The following TMEM74 variants were observed in gnomAD, a reference collection of about 807,000 sequenced individuals.
The protein encoded by TMEM74 is transmembrane protein 74.
TMEM74 carries 13 observed loss-of-function variants against 18.1 expected under a neutral mutation model. The ratio of observed to expected loss-of-function variants is 0.72; its 90% CI spans 0.47 to 1.14. The LOEUF (loss-of-function observed/expected upper bound fraction) is 1.14, where lower values mean the gene tolerates loss of function less well. Among genes scored for constraint, TMEM74 ranks in the 50% most tolerant of loss-of-function variants. The probability of loss-of-function intolerance (pLI) is 0.00; values close to 1 mark genes in which losing one functional copy is unlikely to be tolerated. For synonymous variants in TMEM74, 159 were observed against 146.6 expected (o/e 1.08, Z -0.61); for missense variants, 372 against 375.9 (o/e 0.99, Z 0.09).
chr8:108,737,851 G>T (rs1056454182), intron 1 of TMEM74, among the ~76,000 whole-genome samples: 1 of 152,104 alleles, frequency 6.6e-6, no homozygotes, highest in African/African-American at 2.4e-5. Context: ...CCTGTAAAAT[G>T]ATTTTGGTAC....
chr8:108,627,688 C>G (rs1812508142), intron 2 of TMEM74, among the ~76,000 whole-genome samples: 1 of 151,902 alleles, frequency 6.6e-6, no homozygotes, highest in African/African-American at 2.4e-5. Flanking sequence ...GAAAAAATAT[C>G]CTAAATGAGA....
intron 2 of TMEM74, chr8:108,626,676 G>T (rs1339836279): frequency 6.6e-6 from 1 of 151,950 alleles, no homozygotes. Flanking sequence ...GTTCTTCCTG[G>T]CTCGTAAGTG....
intron 1 of TMEM74, among the ~76,000 whole-genome samples, chr8:108,667,861 A>G (rs1010414414): frequency 4.6e-5 from 7 of 152,100 alleles, no homozygotes; most frequent in African/African-American, 1.7e-4. Flanking sequence ...CCCTCTTTAA[A>G]TGAACGAAAT....
chr8:108,672,752 A>C (rs1813015873), intron 1 of TMEM74, among the ~76,000 whole-genome samples: 1 of 152,216 alleles, frequency 6.6e-6, no homozygotes, highest in East Asian at 1.9e-4. Context: ...AAGGAGATCA[A>C]CCAACAAGGG....
chr8:108,716,430 G>T (rs149497795), intron 1 of TMEM74, among the ~76,000 whole-genome samples: 1 of 151,990 alleles, frequency 6.6e-6, no homozygotes, highest in Non-Finnish European at 1.5e-5. Context: ...GGGCAAATGA[G>T]ATATTAAAGT....
chr8:108,787,289 C>T (rs1475924083), intron 1 of TMEM74, among the ~76,000 whole-genome samples, 187 bp downstream of exon 1: 6 of 152,116 alleles, frequency 3.9e-5, no homozygotes, highest in Non-Finnish European at 7.4e-5. Flanking sequence ...CAGCAGGCGC[C>T]GAGGAATCCG....
intron 1 of TMEM74, among the ~76,000 whole-genome samples, chr8:108,658,077 G>A (rs1369525006): frequency 6.6e-6 from 1 of 151,078 alleles, no homozygotes; most frequent in Non-Finnish European, 1.5e-5. Context: ...AGAACAAGCT[G>A]ACCAGCTTGT....
At chr8:108,730,448 A>G (rs944193744) in intron 1 of TMEM74, among the ~76,000 whole-genome samples, 7 of 152,170 alleles carry the variant, frequency 4.6e-5, no homozygotes, top group African/African-American at 9.7e-5. Flanking sequence ...AACTGTCTAC[A>G]CCATTGTATT....
At chr8:108,787,409 T>TA (rs1814406613) in intron 1 of TMEM74, 67 bp downstream of exon 1, 1 of 152,362 alleles carries the variant, frequency 6.6e-6, no homozygotes, top group Non-Finnish European at 1.5e-5. Flanking sequence ...GCTCCAGCTC[T>TA]GCTAGGCTCC....
chr8:108,665,783 G>A (rs912165777), intron 1 of TMEM74, among the ~76,000 whole-genome samples: 4 of 152,038 alleles, frequency 2.6e-5, no homozygotes, highest in African/African-American at 7.2e-5. Context: ...ATTTTGGAGC[G>A]TCTGACTTAA....
intron 1 of TMEM74, among the ~76,000 whole-genome samples, chr8:108,702,476 C>T (rs150942300): frequency 5.9e-5 from 9 of 151,992 alleles, no homozygotes; most frequent in African/African-American, 2.2e-4. Context: ...GAGAGCTGGC[C>T]ATCCACATGC....
At chr8:108,775,797 G>A (rs1327633120), downstream of TMEM74, among the ~76,000 whole-genome samples, 1 of 152,164 alleles carries the variant, frequency 6.6e-6, no homozygotes, top group Non-Finnish European at 1.5e-5. Context: ...CTCATCATTT[G>A]TATAAGGTGT....
intron 1 of TMEM74, among the ~76,000 whole-genome samples, chr8:108,664,795 G>A (rs1812933169): frequency 6.6e-6 from 1 of 152,066 alleles, no homozygotes; most frequent in South Asian, 2.1e-4. Flanking sequence ...CCTGCTCAAT[G>A]TGAGGGTAAT....
chr8:108,616,168 T>C lies in TMEM74; in HGVS notation n.265-7342A>G, dbSNP rs941561667. Among the ~76,000 whole-genome samples the C allele has an allele frequency of 5.3e-5, 8 of 152,178 alleles. No individual in the cohort carries two copies. The South Asian group carries it at 1.2e-3, about 24-fold the overall frequency. On this transcript the variant is annotated intron_variant and non_coding_transcript_variant, in intron 2 of 3. Coordinates refer to the TMEM74 transcript ENST00000518838. ...TGAGATGATCTTCCAAGAGTGCTCA[T>C]GGCAGAGGGCCGTGCTCTGGCAGTA... is the stretch of plus-strand genomic sequence containing the variant.
At chr8:108,637,078 C>T (rs1292630204) in intron 2 of TMEM74, among the ~76,000 whole-genome samples, 3 of 152,076 alleles carry the variant, frequency 2.0e-5, no homozygotes, top group Non-Finnish European at 2.9e-5. Flanking sequence ...TCAAACTTCT[C>T]ATTACTCCTG....
At chr8:108,706,197 C>T (rs539148022) in intron 1 of TMEM74, among the ~76,000 whole-genome samples, 1 of 152,304 alleles carries the variant, frequency 6.6e-6, no homozygotes, top group Admixed American at 6.5e-5. Flanking sequence ...AGAATTAGCT[C>T]AACACGTATC....
chr8:108,628,518 T>C (rs1189922318), intron 2 of TMEM74, among the ~76,000 whole-genome samples: 1 of 152,088 alleles, frequency 6.6e-6, no homozygotes, highest in Non-Finnish European at 1.5e-5. Flanking sequence ...ACATTTTCTT[T>C]ATCCAGTCTA....
At chr8:108,737,208 C>T (rs1035095339) in intron 1 of TMEM74, among the ~76,000 whole-genome samples, 6 of 152,034 alleles carry the variant, frequency 3.9e-5, no homozygotes, top group Admixed American at 1.3e-4. Context: ...CTACTGATCA[C>T]CTTAAATCTT....
intron 2 of TMEM74, among the ~76,000 whole-genome samples, chr8:108,611,394 T>C (rs1455776789): frequency 6.6e-6 from 1 of 152,202 alleles, no homozygotes; most frequent in African/African-American, 2.4e-5. Context: ...ATGTAAAATA[T>C]CTGGGAATAA....
Sources: allele counts gnomAD v4.1 joint callset (sites outside exome capture counted in the v4.1 genomes callset), GRCh38; gene constraint gnomAD v4.1.1; transcripts MANE v1.5; gene names NCBI Gene and HGNC (gene_info 2026-07-23, HGNC 2026-07-21).